LRRC37A2: variants seen among roughly 807,000 people sequenced by gnomAD.
LRRC37A2 encodes the protein leucine-rich repeat-containing protein 37A2.
LRRC37A2 carries 9 observed loss-of-function variants against 68.8 expected under a neutral mutation model. The ratio of observed to expected loss-of-function variants is 0.13; its 90% CI spans 0.08 to 0.23. The LOEUF is 0.23. LRRC37A2 is among the 10% of genes least tolerant of loss of function. The probability of loss-of-function intolerance (pLI) is 1.00; values close to 1 mark genes in which losing one functional copy is unlikely to be tolerated. For missense variants in LRRC37A2, 168 were observed against 950.4 expected (o/e 0.18, Z 10.82); for synonymous variants, 63 against 367.6 (o/e 0.17, Z 9.48).
At chr17:46,830,160 C>G in the LRRC37A2 span, among the ~76,000 whole-genome samples, 4 of 152,116 alleles carry the variant, frequency 2.6e-5, no homozygotes, top group Non-Finnish European at 4.4e-5. Flanking sequence ...ATCCTCATCA[C>G]CCACCCCTAC....
the LRRC37A2 span, chr17:46,939,255 G>A: frequency 9.6e-7 from 1 of 1,038,646 alleles, no homozygotes; most frequent in South Asian, 3.6e-5. Context: ...CGTGCTCCTG[G>A]CCACCCTCCC....
chr17:46,788,556 T>A, the LRRC37A2 span, among the ~76,000 whole-genome samples: 297 of 152,334 alleles, frequency 1.9e-3, 1 homozygote, highest in African/African-American at 6.0e-3. Context: ...TTTTAATGTC[T>A]CCAATTCAAA....
the LRRC37A2 span, among the ~76,000 whole-genome samples, chr17:46,884,690 G>C: frequency 1.3e-5 from 2 of 152,170 alleles, no homozygotes; most frequent in South Asian, 4.1e-4. Context: ...GCTCCAAGTT[G>C]GTGTCATCCC....
chr17:46,993,279 CAA>C, the LRRC37A2 span, among the ~76,000 whole-genome samples: 3 of 152,204 alleles, frequency 2.0e-5, no homozygotes, highest in African/African-American at 7.2e-5. Flanking sequence ...GCATGCATCC[CAA>C]CAGAGGCAGA....
the LRRC37A2 span, among the ~76,000 whole-genome samples, chr17:46,984,807 C>G: frequency 1.3e-5 from 2 of 152,156 alleles, no homozygotes; most frequent in Admixed American, 1.3e-4. Flanking sequence ...TTTGTATGAG[C>G]CATTTTAATG....
At chr17:46,766,147 G>T in the LRRC37A2 span, among the ~76,000 whole-genome samples, 1 of 152,196 alleles carries the variant, frequency 6.6e-6, no homozygotes, top group Admixed American at 6.5e-5. Flanking sequence ...GGTGGCTCAC[G>T]CCTGTAATCC....
chr17:46,821,759 C>T, the LRRC37A2 span, among the ~76,000 whole-genome samples: 1 of 152,198 alleles, frequency 6.6e-6, no homozygotes, highest in East Asian at 1.9e-4. Flanking sequence ...CCAGTCCCAA[C>T]CCAACCCCTC....
chr17:46,926,508 T>G, the LRRC37A2 span, among the ~76,000 whole-genome samples: 6 of 152,206 alleles, frequency 3.9e-5, no homozygotes, highest in East Asian at 1.2e-3. Context: ...TCTGCTTTGT[T>G]ATATTATCAC....
the LRRC37A2 span, among the ~76,000 whole-genome samples, chr17:47,035,795 C>T: frequency 1.3e-5 from 2 of 152,298 alleles, no homozygotes; most frequent in South Asian, 4.2e-4. Flanking sequence ...TTGAGGGTTT[C>T]AATTTCCCCG....
chr17:46,861,973 G>T, the LRRC37A2 span, among the ~76,000 whole-genome samples: 3,637 of 152,198 alleles, frequency 0.024, 144 homozygotes, highest in African/African-American at 0.084. Flanking sequence ...AGAACAGCCT[G>T]GCCAACATGG....
the LRRC37A2 span, among the ~76,000 whole-genome samples, chr17:46,810,426 C>T: frequency 6.6e-6 from 1 of 152,158 alleles, no homozygotes; most frequent in Non-Finnish European, 1.5e-5. Flanking sequence ...TCCTGATGCT[C>T]AATGGAGAGC....
the LRRC37A2 span, chr17:46,757,520 G>A: frequency 6.6e-6 from 1 of 152,548 alleles, no homozygotes; most frequent in African/African-American, 2.4e-5. Flanking sequence ...TAGGAATGGA[G>A]GAAGAAGGAG....
chr17:46,777,719 A>G, the LRRC37A2 span, among the ~76,000 whole-genome samples: 1 of 152,240 alleles, frequency 6.6e-6, no homozygotes, highest in Non-Finnish European at 1.5e-5. Context: ...GGGCATTGTT[A>G]TCCCCATTTT....
chr17:46,532,237 G>T (rs2053772282), intron 6 of LRRC37A2, among the ~76,000 whole-genome samples: 2 of 148,704 alleles, frequency 1.3e-5, no homozygotes. Flanking sequence ...AACAACAATT[G>T]TAGTGAAACC....
At chr17:46,869,487 A>C in the LRRC37A2 span, among the ~76,000 whole-genome samples, 2 of 152,224 alleles carry the variant, frequency 1.3e-5, no homozygotes, top group African/African-American at 4.8e-5. Context: ...CACCCACTCC[A>C]TGCCAGAAGC....
At chr17:46,905,814 G>T in the LRRC37A2 span, among the ~76,000 whole-genome samples, 3 of 34,486 alleles carry the variant, frequency 8.7e-5, no homozygotes, top group South Asian at 2.5e-3. Flanking sequence ...GTGTGTGTGT[G>T]CGTTTGTTGG....
chr17:46,906,038 G>A, the LRRC37A2 span, among the ~76,000 whole-genome samples: 136 of 152,248 alleles, frequency 8.9e-4, no homozygotes, highest in African/African-American at 3.1e-3. Context: ...CTCCTCCTGC[G>A]CCACCTTTGT....
At chr17:46,721,818 G>A in the LRRC37A2 span, 1 of 1,599,282 alleles carries the variant, frequency 6.3e-7, no homozygotes, top group Non-Finnish European at 8.6e-7. Context: ...CGGCTCCTGG[G>A]ACACTTTTGC....
chr17:46,770,752 C>G, the LRRC37A2 span, among the ~76,000 whole-genome samples: 1 of 152,216 alleles, frequency 6.6e-6, no homozygotes, highest in Non-Finnish European at 1.5e-5. Context: ...GGTTCTGTCC[C>G]AGGGTCCAGC....
Sources: allele counts gnomAD v4.1 joint callset (sites outside exome capture counted in the v4.1 genomes callset), GRCh38; gene constraint gnomAD v4.1.1; transcripts MANE v1.5; gene names NCBI Gene and HGNC (gene_info 2026-07-23, HGNC 2026-07-21).